TMEM67: variants seen among roughly 807,000 people sequenced by gnomAD.
TMEM67 encodes the protein meckelin.
Under a neutral mutation model 136.6 loss-of-function variants are expected in TMEM67, and 124 were observed. That is an observed-to-expected ratio of 0.91 (90% CI 0.78 to 1.05). TMEM67 has a LOEUF of 1.05. Ranked by LOEUF, TMEM67 falls within the 50% of genes least tolerant of loss-of-function variation. TMEM67 has a pLI of 0.00. For missense variants in TMEM67, 1,107 were observed against 1,178.4 expected (o/e 0.94, Z 0.89); for synonymous variants, 364 against 390.5 (o/e 0.93, Z 0.80).
downstream of TMEM67, among the ~76,000 whole-genome samples, chr8:93,822,584 G>A (rs1809056929): frequency 6.6e-6 from 1 of 152,188 alleles, no homozygotes; most frequent in African/African-American, 2.4e-5. Context: ...TCACAGGACG[G>A]CGGAGGCAAG....
intron 9 of TMEM67, among the ~76,000 whole-genome samples, chr8:93,781,336 A>G (rs1018211742): frequency 2.6e-5 from 4 of 152,196 alleles, no homozygotes; most frequent in Admixed American, 2.6e-4. Flanking sequence ...TCACAGGGCC[A>G]AATTCCTACC....
downstream of TMEM67, among the ~76,000 whole-genome samples, chr8:93,823,438 T>G (rs1011126951): frequency 1.9e-4 from 29 of 151,142 alleles, no homozygotes; most frequent in African/African-American, 2.4e-5. Context: ...TAGGGGTGTG[T>G]GGGGGCGTTA....
chr8:93,776,836 G>T (rs1813567260), intron 7 of TMEM67, among the ~76,000 whole-genome samples: 1 of 152,202 alleles, frequency 6.6e-6, no homozygotes, highest in Non-Finnish European at 1.5e-5. Flanking sequence ...ATCTCTGCCA[G>T]GCTTTGGTAT....
At chr8:93,755,269 C>T (rs1380414247) in intron 1 of TMEM67, 132 bp downstream of exon 1, 3 of 892,686 alleles carry the variant, frequency 3.4e-6, no homozygotes, top group South Asian at 2.7e-5. Flanking sequence ...ATCCACCCGC[C>T]TCCGCCTCCC....
Position 93,811,785 on chromosome 8 carries a change from G to T in TMEM67, c.2764+1898G>T, listed in dbSNP as rs185925217. On this transcript the variant is annotated intron_variant, in intron 26 of 27. Transcript: ENST00000453321. ...GATTTAGAAACCACTGCTAGTGAGC[G>T]CCGAGATCGCACCACTGCACTTCAG... Among the ~76,000 whole-genome samples the T allele has an allele frequency of 3.3e-3, 508 of 151,926 alleles. 2 individuals carry two copies. The highest frequency in any genetic ancestry group is 6.9e-3 in the Admixed American group (106 of 15,256).
At chr8:93,795,626 C>T in intron 17 of TMEM67, 119 bp downstream of exon 17, 2 of 849,866 alleles carry the variant, frequency 2.4e-6, no homozygotes, top group Non-Finnish European at 4.0e-6. Context: ...AGAAAAGTTC[C>T]CAACTCCCCA....
chr8:93,829,640 C>CT, the TMEM67 span, among the ~76,000 whole-genome samples: 15 of 152,078 alleles, frequency 9.9e-5, no homozygotes, highest in Non-Finnish European at 1.3e-4. Context: ...CGTTCTGTGA[C>CT]TTTTTTTTAA....
chr8:93,784,168 C>G (rs1319016366), intron 11 of TMEM67, among the ~76,000 whole-genome samples: 1 of 152,110 alleles, frequency 6.6e-6, no homozygotes, highest in Non-Finnish European at 1.5e-5. Context: ...CATGAATTTA[C>G]TTCTTTTGTC....
intron 23 of TMEM67, among the ~76,000 whole-genome samples, chr8:93,808,545 T>TA (rs1808556408): frequency 6.9e-4 from 3 of 4,346 alleles, no homozygotes; most frequent in Non-Finnish European, 1.7e-3. Context: ...CTATAATCTA[T>TA]ATATATCTAT....
At chr8:93,807,020 A>G (rs770872980) in intron 23 of TMEM67, among the ~76,000 whole-genome samples, 4 of 152,142 alleles carry the variant, frequency 2.6e-5, no homozygotes, top group Non-Finnish European at 4.4e-5. Context: ...AAAATGACCA[A>G]TAGACACTAA....
intron 22 of TMEM67, among the ~76,000 whole-genome samples, chr8:93,804,310 CTTTTTTTTTTTTTTT>C (rs1182297223): frequency 1.1e-5 from 1 of 93,810 alleles, no homozygotes; most frequent in African/African-American, 4.1e-5. Context: ...CTTTTCTTTT[CTTTTTTTTTTTTTTT>C]TTTTTTTGAG....
downstream of TMEM67, chr8:93,819,330 A>G (rs185365833): frequency 2.6e-6 from 1 of 384,526 alleles, no homozygotes; most frequent in African/African-American, 2.1e-5. Flanking sequence ...GCCCAGATAG[A>G]GGTCACCGAT....
In TMEM67 at chr8:93,786,637, G is replaced by A. The variant is rs78910216; in HGVS notation, c.1412+291G>A. Reference sequence around the variant, plus strand: ...AGTAAATACCAGTGAGCTGAAATTGGTGTTTCAGGAAGAGCTTGCCAGATG... The same window carrying A: ...AGTAAATACCAGTGAGCTGAAATTGATGTTTCAGGAAGAGCTTGCCAGATG... On this transcript the variant is annotated intron_variant, in intron 13 of 27. Coordinates refer to ENST00000453321, the MANE Select transcript of TMEM67 (RefSeq NM_153704.6). 4.3e-3 allele frequency among the ~76,000 whole-genome samples: 662 copies of A among 152,286 alleles called. 7 individuals carry two copies. Among genetic ancestry groups the A allele is most frequent in the African/African-American group, 0.015 (612 of 41,556 alleles).
At chr8:93,814,439 G>A (rs1808827397) in intron 26 of TMEM67, among the ~76,000 whole-genome samples, 1 of 145,536 alleles carries the variant, frequency 6.9e-6, no homozygotes, top group Non-Finnish European at 1.5e-5. Flanking sequence ...CTAATGGAAA[G>A]ATCTATAGCT....
At chr8:93,759,952 C>T in intron 3 of TMEM67, 1 of 1,536,008 alleles carries the variant, frequency 6.5e-7, no homozygotes, top group Non-Finnish European at 8.8e-7. Flanking sequence ...CTGACCTTGG[C>T]ATGTACTTTA....
rs927797115 is a variant in TMEM67 at position 93,795,227 on chromosome 8, G to A, written c.1675-182G>A. The A allele has an allele frequency of 2.3e-5, 15 of 641,612 alleles. No homozygotes were observed. The African/African-American group carries it at 2.5e-4, about 11-fold the overall frequency. 39.7% of individuals were successfully genotyped at this position (641,612 alleles called of 1,614,324 possible). ...TACCAGGAACGGCCAGAAAGGTAAG[G>A]AGCCAAAAGGTAGCAAGGAGGAGGA... On this transcript the variant is annotated intron_variant, in intron 16 of 27. Transcript: ENST00000453321.
At chr8:93,808,207 T>A (rs1815242131) in intron 23 of TMEM67, among the ~76,000 whole-genome samples, 1 of 147,936 alleles carries the variant, frequency 6.8e-6, no homozygotes, top group Admixed American at 6.8e-5. Flanking sequence ...TATATATATA[T>A]GCTCTACCTA....
chr8:93,772,382 C>G (rs1027321791), intron 6 of TMEM67, among the ~76,000 whole-genome samples: 2 of 151,970 alleles, frequency 1.3e-5, no homozygotes, highest in Non-Finnish European at 2.9e-5. Flanking sequence ...CACATTTTGT[C>G]TCGTTATATC....
At chr8:93,774,527 A>G (rs2130631749) in intron 7 of TMEM67, among the ~76,000 whole-genome samples, 1 of 152,146 alleles carries the variant, frequency 6.6e-6, no homozygotes, top group East Asian at 1.9e-4. Context: ...CCACCCAAAG[A>G]CAGGCCCCAG....
Sources: gnomAD v4.1 joint callset for allele counts (sites outside exome capture counted in the v4.1 genomes callset) on GRCh38, gnomAD v4.1.1 for gene constraint, MANE v1.5 for transcripts, NCBI Gene and HGNC (gene_info 2026-07-23, HGNC 2026-07-21) for gene names.